Variants in CADM2 observed in about 807,000 individuals in gnomAD.
CADM2 encodes the protein immunoglobulin superfamily member 4D.
CADM2 carries 12 observed loss-of-function variants against 49.8 expected under a neutral mutation model. The ratio of observed to expected loss-of-function variants is 0.24; its 90% CI spans 0.15 to 0.39. The LOEUF is 0.39. Ranked by LOEUF, CADM2 falls within the 10% of genes least tolerant of loss-of-function variation. The probability of loss-of-function intolerance (pLI) is 1.00; values close to 1 mark genes in which losing one functional copy is unlikely to be tolerated. For missense variants in CADM2, 378 were observed against 492.3 expected (o/e 0.77, Z 2.20); for synonymous variants, 214 against 175.4 (o/e 1.22, Z -1.74).
At chr3:85,151,461 C>T (rs1028682723) in intron 1 of CADM2, among the ~76,000 whole-genome samples, 2 of 151,802 alleles carry the variant, frequency 1.3e-5, no homozygotes, top group Admixed American at 6.6e-5. Flanking sequence ...TATTTCAGTC[C>T]AGAATAGAAC....
chr3:85,012,318 CTT>C (rs112790100), intron 1 of CADM2, among the ~76,000 whole-genome samples: 7 of 142,098 alleles, frequency 4.9e-5, no homozygotes, highest in African/African-American at 1.3e-4. Context: ...TTGCAAAATG[CTT>C]TTTTTTTTTT....
intron 1 of CADM2, among the ~76,000 whole-genome samples, chr3:85,131,012 G>A (rs751701924): frequency 1.3e-5 from 2 of 151,986 alleles, no homozygotes; most frequent in Non-Finnish European, 2.9e-5. Context: ...GTGAAACTCC[G>A]TCTCTACTAA....
chr3:85,501,738 C>G (rs1026314557), intron 1 of CADM2, among the ~76,000 whole-genome samples: 7 of 152,016 alleles, frequency 4.6e-5, no homozygotes, highest in African/African-American at 7.2e-5. Context: ...TGAATATGCA[C>G]ATATATGTAT....
intron 1 of CADM2, among the ~76,000 whole-genome samples, chr3:85,414,355 GA>G (rs1559827938): frequency 6.6e-6 from 1 of 152,018 alleles, no homozygotes; most frequent in Admixed American, 6.5e-5. Flanking sequence ...TCATAAGGAA[GA>G]AAAAAATAAT....
intron 1 of CADM2, among the ~76,000 whole-genome samples, chr3:84,990,371 A>G (rs1266650860): frequency 6.6e-6 from 1 of 151,752 alleles, no homozygotes; most frequent in Non-Finnish European, 1.5e-5. Flanking sequence ...TGTTTTGTTG[A>G]ATTCTAAAGA....
chr3:85,120,131 A>G (rs527530739), intron 1 of CADM2, among the ~76,000 whole-genome samples: 2 of 152,356 alleles, frequency 1.3e-5, no homozygotes, highest in East Asian at 3.9e-4. Flanking sequence ...CAAAACCACA[A>G]TGAGATATCA....
chr3:85,638,510 T>G (rs979256393), intron 1 of CADM2, among the ~76,000 whole-genome samples: 19 of 152,226 alleles, frequency 1.2e-4, no homozygotes, highest in African/African-American at 4.3e-4. Flanking sequence ...TTTATATGTT[T>G]CAACAGAACT....
At chr3:85,157,679 A>C (rs1330575781) in intron 1 of CADM2, among the ~76,000 whole-genome samples, 1 of 151,738 alleles carries the variant, frequency 6.6e-6, no homozygotes, top group East Asian at 1.9e-4. Flanking sequence ...CACCTTATAC[A>C]AAAATCAATT....
Position 85,001,167 on chromosome 3 carries a change from C to T in CADM2, c.61+41499C>T, listed in dbSNP as rs1423626425. 2.0e-5 allele frequency among the ~76,000 whole-genome samples: 3 copies of T among 151,966 alleles called. No homozygotes were observed. The South Asian group carries it at 6.2e-4, about 31-fold the overall frequency. ...TGAGATTTCTATGTCTTGTAACTGG[C>T]CATTTGACATCCTCTCTGTCCCTTT... On this transcript the variant is annotated intron_variant, in intron 1 of 9. Coordinates refer to ENST00000383699, the MANE Select transcript of CADM2 (RefSeq NM_001167675.2).
chr3:85,505,668 T>C (rs889923892), intron 1 of CADM2, among the ~76,000 whole-genome samples: 13 of 152,190 alleles, frequency 8.5e-5, no homozygotes, highest in African/African-American at 2.9e-4. Flanking sequence ...GTTAGAGATA[T>C]ATTACATTCT....
intron 1 of CADM2, among the ~76,000 whole-genome samples, chr3:85,601,454 T>C (rs2063401991): frequency 6.6e-6 from 1 of 151,260 alleles, no homozygotes; most frequent in Non-Finnish European, 1.5e-5. Flanking sequence ...TCAAAATTTC[T>C]GAATGTGTAA....
At chr3:85,603,200 A>C (rs1003430164) in intron 1 of CADM2, among the ~76,000 whole-genome samples, 1 of 151,920 alleles carries the variant, frequency 6.6e-6, no homozygotes, top group Non-Finnish European at 1.5e-5. Context: ...ACCTGAATAC[A>C]TGAAGGAGTA....
chr3:85,105,948 G>A (rs1442288876), intron 1 of CADM2, among the ~76,000 whole-genome samples: 3 of 151,498 alleles, frequency 2.0e-5, no homozygotes, highest in African/African-American at 7.3e-5. Flanking sequence ...CTGTGGTGGG[G>A]TGGGGGGACG....
At chr3:85,019,380 G>A (rs1259063852) in intron 1 of CADM2, among the ~76,000 whole-genome samples, 1 of 152,158 alleles carries the variant, frequency 6.6e-6, no homozygotes, top group Non-Finnish European at 1.5e-5. Context: ...CAACTCGGGA[G>A]GCTGAGCTGA....
At chr3:85,469,403 C>T (rs1157458078) in intron 1 of CADM2, among the ~76,000 whole-genome samples, 1 of 152,104 alleles carries the variant, frequency 6.6e-6, no homozygotes, top group Non-Finnish European at 1.5e-5. Flanking sequence ...GGGAACATAA[C>T]AGAAAAGACG....
chr3:84,960,283 G>GA (rs2030348851), intron 1 of CADM2: 1 of 151,892 alleles, frequency 6.6e-6, no homozygotes, highest in African/African-American at 2.4e-5. Context: ...TAGGAAGAGA[G>GA]AGGGGACTCT....
chr3:84,995,585 G>A (rs6549007), intron 1 of CADM2, among the ~76,000 whole-genome samples: 124,777 of 152,146 alleles, frequency 0.82, 51,831 homozygotes, highest in African/African-American at 0.95. Context: ...TCATCTAAAA[G>A]AGGAGAGAAT....
chr3:85,797,947 C>T (rs568233398), intron 2 of CADM2, among the ~76,000 whole-genome samples: 1 of 152,224 alleles, frequency 6.6e-6, no homozygotes, highest in South Asian at 2.1e-4. Flanking sequence ...TTAATGAGTG[C>T]CATTCTAACA....
At chr3:85,865,265 C>T (rs1234629466) in intron 3 of CADM2, among the ~76,000 whole-genome samples, 1 of 152,180 alleles carries the variant, frequency 6.6e-6, no homozygotes, top group African/African-American at 2.4e-5. Flanking sequence ...CTCTTTCACT[C>T]CCTCGGAACA....
Sources: allele counts gnomAD v4.1 joint callset (sites outside exome capture counted in the v4.1 genomes callset), GRCh38; gene constraint gnomAD v4.1.1; transcripts MANE v1.5; gene names NCBI Gene and HGNC (gene_info 2026-07-23, HGNC 2026-07-21).